PLEKHA6: variants seen among roughly 807,000 people sequenced by gnomAD.
The protein encoded by PLEKHA6 is pleckstrin homology domain containing A6.
PLEKHA6 carries 60 observed loss-of-function variants against 116.7 expected under a neutral mutation model. That is an observed-to-expected ratio of 0.51 (90% CI 0.42 to 0.64). The LOEUF (loss-of-function observed/expected upper bound fraction) is 0.64, where lower values mean the gene tolerates loss of function less well. Among genes scored for constraint, PLEKHA6 ranks in the 30% least tolerant of loss-of-function variants. The pLI is 0.00. For missense variants in PLEKHA6, 1,338 were observed against 1,422.7 expected (o/e 0.94, Z 0.96); for synonymous variants, 489 against 556.1 (o/e 0.88, Z 1.70).
intron 9 of PLEKHA6, 83 bp from the exon 10 acceptor site, chr1:204,250,697 G>A: frequency 7.5e-6 from 7 of 931,784 alleles, no homozygotes; most frequent in Non-Finnish European, 1.2e-5. Flanking sequence ...CAATCCCGCT[G>A]TGCTCCTGCC....
rs79381807 is a variant in PLEKHA6, at chr1:204,366,103, G to T, written c.218+1696C>A. On this transcript the variant is annotated intron_variant, in intron 3 of 4. Transcript: ENST00000564627. ...AGTCATGGGACACGAGGTCAGAGAGGTGGACAGGTACGTTTCTAGGGACTG... is the reference window on the plus strand; with the variant it reads ...AGTCATGGGACACGAGGTCAGAGAGTTGGACAGGTACGTTTCTAGGGACTG... Among the ~76,000 whole-genome samples the T allele has an allele frequency of 4.8e-3, 727 of 152,328 alleles. 1 individual carries two copies. Among genetic ancestry groups the T allele is most frequent in the African/African-American group, 0.017 (686 of 41,572 alleles).
At chr1:204,334,466 A>C (rs1012197777) in intron 1 of PLEKHA6, among the ~76,000 whole-genome samples, 2 of 152,204 alleles carry the variant, frequency 1.3e-5, no homozygotes, top group Non-Finnish European at 2.9e-5. Context: ...CTATTTGATA[A>C]ATAATGATTG....
At chr1:204,269,845 TCTC>T (rs1211004760) in intron 3 of PLEKHA6, among the ~76,000 whole-genome samples, 2 of 152,122 alleles carry the variant, frequency 1.3e-5, no homozygotes, top group Non-Finnish European at 2.9e-5. Context: ...ACTGATGTCT[TCTC>T]CTTAGCAGAT....
intron 1 of PLEKHA6, among the ~76,000 whole-genome samples, chr1:204,375,824 C>T (rs1487398032): frequency 6.6e-6 from 1 of 151,570 alleles, no homozygotes; most frequent in African/African-American, 2.4e-5. Context: ...AGCTCCACTC[C>T]GTCTCCACTG....
chr1:204,241,224 C>T (rs548769854), intron 17 of PLEKHA6, 151 bp downstream of exon 17: 2 of 604,026 alleles, frequency 3.3e-6, no homozygotes, highest in Admixed American at 2.9e-5. Context: ...AGCTCCTCCT[C>T]CAGTGGGGCT....
At chr1:204,253,327 A>G (rs1471115062) in intron 9 of PLEKHA6, among the ~76,000 whole-genome samples, 5 of 152,170 alleles carry the variant, frequency 3.3e-5, no homozygotes, top group Non-Finnish European at 7.3e-5. Flanking sequence ...CCAAGATTAA[A>G]AAAAAAACAA....
chr1:204,347,860 A>G (rs1035503980), intron 1 of PLEKHA6, among the ~76,000 whole-genome samples: 7 of 152,112 alleles, frequency 4.6e-5, no homozygotes, highest in Non-Finnish European at 1.0e-4. Context: ...AGGGGTTCCT[A>G]TAAGAAAGAT....
chr1:204,283,091 G>A (rs1043074034), intron 1 of PLEKHA6, among the ~76,000 whole-genome samples: 4 of 152,176 alleles, frequency 2.6e-5, no homozygotes, highest in African/African-American at 7.2e-5. Context: ...CCAGCTGTCC[G>A]CCGCCGGGTC....
chr1:204,245,548 G>A, intron 14 of PLEKHA6, 67 bp downstream of exon 14: 2 of 910,318 alleles, frequency 2.2e-6, no homozygotes, highest in Non-Finnish European at 3.6e-6. Context: ...GTGGGATGGA[G>A]GTCAGAAATA....
chr1:204,312,081 G>A (rs1671675383), intron 1 of PLEKHA6, among the ~76,000 whole-genome samples: 1 of 152,182 alleles, frequency 6.6e-6, no homozygotes, highest in African/African-American at 2.4e-5. Context: ...TATAGCACAG[G>A]AAACTCATGG....
At chr1:204,370,573 C>T (rs1344197895) in intron 2 of PLEKHA6, among the ~76,000 whole-genome samples, 2 of 152,156 alleles carry the variant, frequency 1.3e-5, no homozygotes, top group Admixed American at 1.3e-4. Flanking sequence ...AGTCTTTTTC[C>T]TTGGTTGTTT....
intron 1 of PLEKHA6, among the ~76,000 whole-genome samples, chr1:204,281,648 C>T (rs538956735): frequency 3.8e-4 from 58 of 152,300 alleles, no homozygotes; most frequent in African/African-American, 1.4e-3. Flanking sequence ...GATCAAAATA[C>T]CAGTTCTCTG....
chr1:204,329,730 G>A (rs573840802), intron 1 of PLEKHA6, among the ~76,000 whole-genome samples: 1 of 152,262 alleles, frequency 6.6e-6, no homozygotes, highest in South Asian at 2.1e-4. Flanking sequence ...GATGCAATCA[G>A]CCAAATCCAG....
intron 3 of PLEKHA6, among the ~76,000 whole-genome samples, chr1:204,268,963 G>A (rs550362616): frequency 2.0e-5 from 3 of 152,188 alleles, no homozygotes; most frequent in African/African-American, 7.2e-5. Flanking sequence ...GCATCACTGT[G>A]GAAAATCTCC....
Position 204,273,691 on chromosome 1 carries a change from T to TG in PLEKHA6, c.36dup (p.Thr13HisfsTer4). ...TTGTGGTTGGGTATGTCACTGTTGG[T>TG]GGTAGCCGGGCGTTTCCCACCTGTT... On this transcript the variant is annotated frameshift_variant, in exon 3 of 23. Transcript: ENST00000272203. LOFTEE classifies it high-confidence loss of function. 6.2e-7 allele frequency: 1 copy of TG among 1,614,130 alleles called. No homozygotes were observed. The highest frequency in any genetic ancestry group is 8.5e-7 in the Non-Finnish European group (1 of 1,180,002).
rs767340195 is a variant in PLEKHA6 at position 204,259,357 on chromosome 1, G to A, written c.908C>T (p.Thr303Ile). The A allele has an allele frequency of 6.2e-7, 1 of 1,614,226 alleles. No homozygotes were observed. The highest frequency in any genetic ancestry group is 8.5e-7 in the Non-Finnish European group (1 of 1,180,048). Residue 303 changes from threonine (T) to isoleucine (I), a missense_variant, in exon 8 of 23, where the codon ACC becomes ATC. This residue lies in a region of PLEKHA6 where 1,136 missense variants were observed against 1,163.6 expected (regional missense o/e 0.98). Coordinates refer to ENST00000272203, the MANE Select transcript of PLEKHA6 (RefSeq NM_014935.5). This position sits in a 1 kb window ranked among gnomAD's most constrained non-coding sequence, Gnocchi z 4.6. ...GGHRRSFPPR[T>I]NPDKIAQRKS... The stretch of plus-strand genomic sequence containing the variant: ...GCGCTGGGCAATTTTGTCAGGGTTG[G>A]TGCGTGGTGGGAAACTCCGCCGGTG...
At chr1:204,282,806 C>G in intron 1 of PLEKHA6, 1 of 985,370 alleles carries the variant, frequency 1.0e-6, no homozygotes, top group Non-Finnish European at 1.2e-6. Context: ...TTGTTCCCTT[C>G]TAAAGAGAGG....
At position 204,223,867 on chromosome 1, in the gene PLEKHA6, C is replaced by T. The variant is rs1446549458; in HGVS notation, c.3032-282G>A. Reference sequence around the variant, plus strand: ...CAGGCCATCTCTGGGCAAAGGGCTCCCCTCCCATCCACACAATGGGGAGAT... The same window carrying T: ...CAGGCCATCTCTGGGCAAAGGGCTCTCCTCCCATCCACACAATGGGGAGAT... On this transcript the variant is annotated intron_variant, in intron 21 of 22. Transcript: ENST00000272203. This position sits in a 1 kb window ranked among gnomAD's most constrained non-coding sequence, Gnocchi z 4.8. 6.6e-6 allele frequency among the ~76,000 whole-genome samples: 1 copy of T among 152,130 alleles called. No homozygotes were observed. The highest frequency in any genetic ancestry group is 1.5e-5 in the Non-Finnish European group (1 of 68,024).
chr1:204,313,878 G>T, intron 1 of PLEKHA6: 1 of 168,452 alleles, frequency 5.9e-6, no homozygotes, highest in Non-Finnish European at 1.2e-5. Flanking sequence ...CGAGCTTCCT[G>T]GAAAGGTCTC....
Sources: gnomAD v4.1 joint callset for allele counts (sites outside exome capture counted in the v4.1 genomes callset) on GRCh38, gnomAD v4.1.1 for gene constraint, gnomAD v4.1.1 regional missense constraint, Gnocchi (gnomAD v3.1) non-coding constraint, MANE v1.5 for transcripts, NCBI Gene and HGNC (gene_info 2026-07-23, HGNC 2026-07-21) for gene names.